The following POLR2B variants were observed in gnomAD, a reference collection of about 807,000 sequenced individuals.
The protein encoded by POLR2B is DNA-directed RNA polymerase II subunit RPB2.
In POLR2B, 57 loss-of-function variants were observed where a neutral mutation model predicts 144.6. That is an observed-to-expected ratio of 0.39 (90% confidence interval 0.32 to 0.49). The LOEUF (loss-of-function observed/expected upper bound fraction) is 0.49. POLR2B is among the 20% of genes least tolerant of loss of function. The probability of loss-of-function intolerance (pLI) is 0.83; values close to 1 mark genes in which losing one functional copy is unlikely to be tolerated. For missense variants in POLR2B, 595 were observed against 1,467.4 expected (o/e 0.41, Z 9.71); for synonymous variants, 442 against 469.8 (o/e 0.94, Z 0.77).
At chr4:57,026,602 A>G (rs1211685287) in intron 23 of POLR2B, among the ~76,000 whole-genome samples, 1 of 151,956 alleles carries the variant, frequency 6.6e-6, no homozygotes, top group Non-Finnish European at 1.5e-5. Flanking sequence ...GTGTTAACAT[A>G]AATAACATGT....
At chr4:56,982,214 A>G (rs1166574756) in intron 1 of POLR2B, among the ~76,000 whole-genome samples, 1 of 149,058 alleles carries the variant, frequency 6.7e-6, no homozygotes, top group Non-Finnish European at 1.5e-5. Context: ...TGAGCTAATT[A>G]TTTTCTTTTG....
chr4:57,013,444 A>G (rs566025616), intron 13 of POLR2B, among the ~76,000 whole-genome samples: 83 of 152,118 alleles, frequency 5.5e-4, no homozygotes, highest in African/African-American at 1.8e-3. Flanking sequence ...TCTGGGCACT[A>G]TGTTGCCCAG....
intron 1 of POLR2B, 105 bp from the exon 2 acceptor site, chr4:56,986,249 A>T: frequency 2.6e-6 from 2 of 783,808 alleles, no homozygotes; most frequent in Non-Finnish European, 4.7e-6. Flanking sequence ...AGCATTACTT[A>T]TTCAGCAGAA....
At chr4:56,985,616 G>A (rs1722299754) in intron 1 of POLR2B, among the ~76,000 whole-genome samples, 1 of 152,134 alleles carries the variant, frequency 6.6e-6, no homozygotes, top group African/African-American at 2.4e-5. Flanking sequence ...TGGCCTGGCT[G>A]GTCTCGAACT....
intron 13 of POLR2B, among the ~76,000 whole-genome samples, chr4:57,013,645 C>T (rs929494662): frequency 6.6e-6 from 1 of 151,996 alleles, no homozygotes; most frequent in South Asian, 2.1e-4. Context: ...CCCAACGATC[C>T]TCCCACCTCA....
rs1336206300 is a variant in POLR2B at position 57,031,112 on chromosome 4, T to C, written c.*124T>C. Reference sequence around the variant, plus strand: ...AAAGTATTTTATTTGTTTAATGATATGCATGCTTTTCTTCTGTAAATATAT... The same window carrying C: ...AAAGTATTTTATTTGTTTAATGATACGCATGCTTTTCTTCTGTAAATATAT... On this transcript the variant is annotated 3_prime_UTR_variant, in exon 25 of 25. Transcript: ENST00000314595. 1 of 726,694 alleles carries C rather than the reference T, an allele frequency of 1.4e-6. No individual in the cohort carries two copies. Among genetic ancestry groups the C allele is most frequent in the Non-Finnish European group, 2.4e-6 (1 of 419,262 alleles). The allele number at this position is 726,694 out of a possible 1,614,324, so 45.0% of individuals were successfully genotyped here.
In POLR2B at chr4:57,025,421, AT is replaced by A; in HGVS notation, c.3126del (p.Phe1042LeufsTer10). ...CTGGTCGAAAAATCACATCACAAATATTTATTGGCCCCACTTATTACCAGCG... is the reference window on the plus strand; with the variant it reads ...CTGGTCGAAAAATCACATCACAAATATTATTGGCCCCACTTATTACCAGCG... ...FTGRKITSQI[F>X]IGPTYYQRLK... On this transcript the variant is annotated frameshift_variant, in exon 23 of 25. Coordinates refer to ENST00000314595, the MANE Select transcript of POLR2B (RefSeq NM_000938.3). LOFTEE classifies it high-confidence loss of function. The A allele has an allele frequency of 6.2e-7, 1 of 1,613,344 alleles. No homozygotes were observed. The highest frequency in any genetic ancestry group is 8.5e-7 in the Non-Finnish European group (1 of 1,179,306).
intron 21 of POLR2B, 140 bp downstream of exon 21, chr4:57,024,252 A>C (rs1723641034): frequency 5.8e-6 from 3 of 519,410 alleles, no homozygotes; most frequent in Non-Finnish European, 1.0e-5. Flanking sequence ...CAAATTGCTT[A>C]TGATTCTGCC....
At chr4:57,024,409 A>G (rs533851407) in intron 21 of POLR2B, among the ~76,000 whole-genome samples, 1 of 152,310 alleles carries the variant, frequency 6.6e-6, no homozygotes, top group South Asian at 2.1e-4. Context: ...TTCAATGTGA[A>G]CTTAATAATT....
At chr4:57,014,705 C>T (rs1056245488) in intron 13 of POLR2B, among the ~76,000 whole-genome samples, 3 of 149,278 alleles carry the variant, frequency 2.0e-5, no homozygotes, top group Admixed American at 6.7e-5. Context: ...GGGGTTTCAC[C>T]GTGTTAGCTA....
intron 16 of POLR2B, 112 bp from the exon 17 acceptor site, chr4:57,020,787 A>G (rs780772567): frequency 1.1e-5 from 8 of 745,036 alleles, no homozygotes; most frequent in African/African-American, 1.7e-5. Context: ...CCATGATAAC[A>G]AACACCCAAG....
At chr4:57,004,184 G>A (rs903970545) in intron 7 of POLR2B, among the ~76,000 whole-genome samples, 16 of 151,830 alleles carry the variant, frequency 1.1e-4, no homozygotes, top group Non-Finnish European at 2.1e-4. Context: ...ACGCAACCAT[G>A]CCCGGCTAAT....
intron 9 of POLR2B, among the ~76,000 whole-genome samples, chr4:57,006,110 T>C (rs558096349): frequency 6.6e-6 from 1 of 152,356 alleles, no homozygotes; most frequent in South Asian, 2.1e-4. Context: ...TGTGCAGTTT[T>C]TAATTTTATT....
intron 22 of POLR2B, 75 bp from the exon 23 acceptor site, chr4:57,025,302 C>T (rs1358346681): frequency 2.0e-5 from 21 of 1,027,298 alleles, no homozygotes; most frequent in African/African-American, 3.2e-5. Flanking sequence ...AATGGAGTAA[C>T]ACAATATATA....
At chr4:56,994,228 C>T (rs28581181) in intron 3 of POLR2B, among the ~76,000 whole-genome samples, 176 bp from the exon 4 acceptor site, 1,859 of 152,214 alleles carry the variant, frequency 0.012, 37 homozygotes, top group African/African-American at 0.042. Context: ...TAAAACTTAA[C>T]GTCTATGCAA....
intron 16 of POLR2B, among the ~76,000 whole-genome samples, chr4:57,019,916 T>A (rs1391609016): frequency 6.6e-6 from 1 of 152,224 alleles, no homozygotes; most frequent in Non-Finnish European, 1.5e-5. Flanking sequence ...CAGTCTTTCC[T>A]TGTCTTTCAT....
Position 57,005,451 on chromosome 4 carries a change from A to C in POLR2B, c.1097+9A>C. On this transcript the variant is annotated intron_variant, in intron 8 of 24. Coordinates refer to ENST00000314595, the MANE Select transcript of POLR2B (RefSeq NM_000938.3). The stretch of plus-strand genomic sequence containing the variant: ...AAAGCCTATTTCTTGGGGTATGTTA[A>C]GTTTCATTGTTTTAAGTTCTTTATC... The C allele has an allele frequency of 6.4e-6, 10 of 1,551,084 alleles. No homozygotes were observed. The highest frequency in any genetic ancestry group is 6.9e-6 in the Non-Finnish European group (8 of 1,151,172).
chr4:57,015,685 G>T, intron 14 of POLR2B, 29 bp downstream of exon 14: 1 of 1,169,714 alleles, frequency 8.5e-7, no homozygotes, highest in Non-Finnish European at 1.2e-6. Flanking sequence ...AAAAATGTGT[G>T]TATTAAAAAT....
chr4:57,007,298 T>C (rs1460030672), intron 10 of POLR2B, among the ~76,000 whole-genome samples: 10 of 152,068 alleles, frequency 6.6e-5, no homozygotes, highest in Non-Finnish European at 4.4e-5. Context: ...TAATCCCAGC[T>C]ACTCTACTTG....
Sources: gnomAD v4.1 joint callset for allele counts (sites outside exome capture counted in the v4.1 genomes callset) on GRCh38, gnomAD v4.1.1 for gene constraint, MANE v1.5 for transcripts, NCBI Gene and HGNC (gene_info 2026-07-23, HGNC 2026-07-21) for gene names.